PCSK2: variants seen among roughly 807,000 people sequenced by gnomAD.
PCSK2 encodes proprotein convertase subtilisin/kexin type 2.
In PCSK2, 14 loss-of-function variants were observed where a neutral mutation model predicts 69.7. The observed-to-expected ratio is 0.20, with a 90% CI of 0.13 to 0.31. The LOEUF (loss-of-function observed/expected upper bound fraction) is 0.31. PCSK2 is among the 10% of genes least tolerant of loss of function. The pLI is 1.00. For missense variants in PCSK2, 544 were observed against 842.5 expected, an observed-to-expected ratio of 0.65 and a Z score of 4.39; for synonymous variants, 307 against 320.7, an observed-to-expected ratio of 0.96 and a Z score of 0.46.
intron 6 of PCSK2, among the ~76,000 whole-genome samples, chr20:17,419,795 C>T (rs2032083262): frequency 6.6e-6 from 1 of 152,134 alleles, no homozygotes; most frequent in South Asian, 2.1e-4. Flanking sequence ...GTGCTGTTGT[C>T]CATAAAAATC....
intron 11 of PCSK2, among the ~76,000 whole-genome samples, chr20:17,473,381 G>A (rs2033239376): frequency 2.0e-5 from 3 of 152,182 alleles, no homozygotes; most frequent in East Asian, 1.9e-4. Context: ...GTGAGCCTCC[G>A]CGCCTGACCT....
chr20:17,320,014 G>T (rs1364311562), intron 2 of PCSK2, among the ~76,000 whole-genome samples: 1 of 152,150 alleles, frequency 6.6e-6, no homozygotes, highest in Non-Finnish European at 1.5e-5. Context: ...GGACTAAAGA[G>T]TCTAGAAAAT....
chr20:17,319,186 CG>C (rs1412210719), intron 2 of PCSK2, among the ~76,000 whole-genome samples: 1 of 152,018 alleles, frequency 6.6e-6, no homozygotes, highest in Admixed American at 6.6e-5. Flanking sequence ...AGCTACGCCC[CG>C]ATAAGATAAA....
chr20:17,402,735 A>G (rs1363640359), intron 5 of PCSK2, among the ~76,000 whole-genome samples: 1 of 151,186 alleles, frequency 6.6e-6, no homozygotes, highest in African/African-American at 2.4e-5. Context: ...CGGGTGGATC[A>G]CGAGGTTAGG....
chr20:17,258,199 A>C (rs1208260524), intron 1 of PCSK2, among the ~76,000 whole-genome samples: 2 of 152,198 alleles, frequency 1.3e-5, no homozygotes, highest in Non-Finnish European at 2.9e-5. Context: ...GAGGTTGTTC[A>C]TGTTCAAAGA....
At chr20:17,410,884 G>T (rs956499940) in intron 6 of PCSK2, among the ~76,000 whole-genome samples, 1 of 152,178 alleles carries the variant, frequency 6.6e-6, no homozygotes, top group East Asian at 1.9e-4. Context: ...CCAGCTCTCC[G>T]CATGAATATC....
intron 6 of PCSK2, among the ~76,000 whole-genome samples, chr20:17,425,843 G>T (rs551336805): frequency 3.9e-5 from 6 of 151,982 alleles, no homozygotes; most frequent in Non-Finnish European, 8.8e-5. Flanking sequence ...ATTGCCCAAG[G>T]GTAATTTTTA....
chr20:17,431,889 A>AT (rs974595855), intron 7 of PCSK2, among the ~76,000 whole-genome samples: 1 of 152,204 alleles, frequency 6.6e-6, no homozygotes, highest in African/African-American at 2.4e-5. Flanking sequence ...CCTCCAGAGA[A>AT]TCTTTCCATT....
chr20:17,322,676 A>C (rs963349015), intron 2 of PCSK2, among the ~76,000 whole-genome samples: 1 of 152,206 alleles, frequency 6.6e-6, no homozygotes, highest in African/African-American at 2.4e-5. Context: ...TCTCCTTCCA[A>C]GATGGCACCT....
intron 5 of PCSK2, among the ~76,000 whole-genome samples, chr20:17,371,217 T>C (rs1030009845): frequency 6.6e-6 from 1 of 152,188 alleles, no homozygotes; most frequent in Non-Finnish European, 1.5e-5. Flanking sequence ...GAGACCGACC[T>C]CTGCATCCTT....
At chr20:17,406,971 T>C (rs1054101303) in intron 5 of PCSK2, among the ~76,000 whole-genome samples, 2 of 152,056 alleles carry the variant, frequency 1.3e-5, no homozygotes, top group African/African-American at 4.8e-5. Context: ...ACCATTCCCA[T>C]TGGCCTCGGT....
At chr20:17,234,013 C>G (rs1006545397) in intron 1 of PCSK2, among the ~76,000 whole-genome samples, 1 of 152,092 alleles carries the variant, frequency 6.6e-6, no homozygotes, top group East Asian at 1.9e-4. Flanking sequence ...GTCCCTGGTC[C>G]GTGAATTAGA....
intron 10 of PCSK2, among the ~76,000 whole-genome samples, chr20:17,462,748 C>T (rs769034307): frequency 3.9e-5 from 6 of 152,302 alleles, no homozygotes; most frequent in South Asian, 4.1e-4. Context: ...CTTATTTTCC[C>T]GACTCATATA....
chr20:17,290,937 G>A (rs149552749), intron 2 of PCSK2, among the ~76,000 whole-genome samples: 6 of 151,926 alleles, frequency 3.9e-5, no homozygotes, highest in East Asian at 1.9e-4. Flanking sequence ...CCACCCCCAC[G>A]GTACCTAAAC....
intron 5 of PCSK2, among the ~76,000 whole-genome samples, chr20:17,382,296 C>T (rs2031109413): frequency 6.6e-6 from 1 of 152,190 alleles, no homozygotes; most frequent in African/African-American, 2.4e-5. Context: ...TGCATGATCA[C>T]ATTTAATGAG....
intron 2 of PCSK2, among the ~76,000 whole-genome samples, chr20:17,290,655 G>T (rs754179554): frequency 6.6e-6 from 1 of 152,124 alleles, no homozygotes; most frequent in African/African-American, 2.4e-5. Context: ...GTGCTATATC[G>T]CTTCCTTTTA....
At position 17,295,095 on chromosome 20, in the gene PCSK2, G is replaced by A. The variant is rs74508801; in HGVS notation, c.282+34751G>A. On this transcript the variant is annotated intron_variant, in intron 2 of 11. Coordinates refer to ENST00000262545, the MANE Select transcript of PCSK2 (RefSeq NM_002594.5). ...TTTCCTATCTCTTGTTTTTCTCATAGCAAATTGTTCATATCATAGTGATAG... is the reference window on the plus strand; with the variant it reads ...TTTCCTATCTCTTGTTTTTCTCATAACAAATTGTTCATATCATAGTGATAG... Among the ~76,000 whole-genome samples the A allele has an allele frequency of 1.1e-3, 161 of 151,984 alleles. 2 individuals carry two copies. In the East Asian group the frequency reaches 0.022, roughly 21 times the overall value.
At chr20:17,440,792 G>A (rs4571127) in intron 8 of PCSK2, among the ~76,000 whole-genome samples, 10,491 of 151,752 alleles carry the variant, frequency 0.069, 439 homozygotes, top group East Asian at 0.17. Context: ...AACCCGGGAG[G>A]CAGACGTTGC....
chr20:17,405,093 C>T (rs571396640), intron 5 of PCSK2, among the ~76,000 whole-genome samples: 1 of 152,314 alleles, frequency 6.6e-6, no homozygotes, highest in African/African-American at 2.4e-5. Flanking sequence ...TGCTTGCCAG[C>T]TTACATTCCT....
Sources: gnomAD v4.1 joint callset for allele counts (sites outside exome capture counted in the v4.1 genomes callset) on GRCh38, gnomAD v4.1.1 for gene constraint, MANE v1.5 for transcripts, NCBI Gene and HGNC (gene_info 2026-07-23, HGNC 2026-07-21) for gene names.